AGO1: variants seen among roughly 807,000 people sequenced by gnomAD.
AGO1 encodes argonaute RISC component 1.
A neutral mutation model predicts 109.2 loss-of-function variants in AGO1; 11 were observed. The ratio of observed to expected loss-of-function variants is 0.10; its 90% CI spans 0.06 to 0.17. The LOEUF (loss-of-function observed/expected upper bound fraction) is 0.17, where lower values mean the gene tolerates loss of function less well. AGO1 is among the 10% of genes least tolerant of loss of function. AGO1 has a pLI of 1.00. For synonymous variants in AGO1, 422 were observed against 418.6 expected (o/e 1.01, Z -0.10); for missense variants, 574 against 1,140.3 (o/e 0.50, Z 7.15).
intron 12 of AGO1, 103 bp downstream of exon 12, chr1:35,907,222 A>G (rs757808873): frequency 2.0e-5 from 22 of 1,127,702 alleles, no homozygotes; most frequent in Non-Finnish European, 2.4e-5. Context: ...GGCTTTGACC[A>G]GAGCTGTTAC....
At chr1:35,874,788 C>T (rs1397972922) in intron 1 of AGO1, among the ~76,000 whole-genome samples, 1 of 152,136 alleles carries the variant, frequency 6.6e-6, no homozygotes, top group African/African-American at 2.4e-5. Context: ...GAGTGCTAAT[C>T]CAGTGAACAC....
At chr1:35,883,037 G>A (rs1645053432), upstream of AGO1, among the ~76,000 whole-genome samples, 1 of 152,212 alleles carries the variant, frequency 6.6e-6, no homozygotes. The surrounding 1 kb of genome is among the most constrained non-coding windows in gnomAD (Gnocchi z 5.4). Context: ...GCGGTTCCAA[G>A]GCACCTCTAC....
At chr1:35,910,927 G>T (rs1272177192) in intron 12 of AGO1, among the ~76,000 whole-genome samples, 1 of 152,176 alleles carries the variant, frequency 6.6e-6, no homozygotes, top group Non-Finnish European at 1.5e-5. Flanking sequence ...TTAGCCAGGT[G>T]TGGTGGCGGG....
chr1:35,884,360 G>C (rs1258374846), intron 1 of AGO1, among the ~76,000 whole-genome samples: 3 of 152,102 alleles, frequency 2.0e-5, no homozygotes, highest in Non-Finnish European at 4.4e-5. Flanking sequence ...TATTGGTTAC[G>C]GAGGAATCAA....
At position 35,906,984 on chromosome 1, in the gene AGO1, A is replaced by G; in HGVS notation, c.1447A>G (p.Ile483Val). The G allele has an allele frequency of 6.2e-7, 1 of 1,614,146 alleles. No individual in the cohort carries two copies. Among genetic ancestry groups the G allele is most frequent in the Non-Finnish European group, 8.5e-7 (1 of 1,180,006 alleles). The change falls in exon 12 of 19, where the codon ATC (isoleucine) becomes GTC (valine). Residue 483 changes from isoleucine (I) to valine (V), a missense_variant. Ile to Val is a conservative substitution (Grantham distance 29, BLOSUM62 3). Coordinates refer to ENST00000373204, the MANE Select transcript of AGO1 (RefSeq NM_012199.5). ...GATTTCCAAGGATGCGGGGATGCCTATCCAGGGTCAACCTTGTTTCTGCAA... is the reference window on the plus strand; with the variant it reads ...GATTTCCAAGGATGCGGGGATGCCTGTCCAGGGTCAACCTTGTTTCTGCAA... ...RKISKDAGMP[I>V]QGQPCFCKYA...
Position 35,883,511 on chromosome 1 carries a change from G to A in AGO1, c.25+65G>A. ...GACTGGGGGATCCCGCATGAAAAGC[G>A]TGGTTTCCAAGTGATGGAAGCGCTC... On this transcript the variant is annotated intron_variant, in intron 1 of 18. Coordinates refer to ENST00000373204, the MANE Select transcript of AGO1 (RefSeq NM_012199.5). This position sits in a 1 kb window ranked among gnomAD's most constrained non-coding sequence, Gnocchi z 5.4. The A allele has an allele frequency of 1.4e-6, 2 of 1,474,518 alleles. No individual in the cohort carries two copies. 91.3% of individuals were successfully genotyped at this position (1,474,518 alleles called of 1,614,324 possible). A position where few individuals can be genotyped will look rare whatever the true frequency, so the allele number is the denominator to read the frequency against.
At chr1:35,891,195 A>G (rs1408167302) in intron 2 of AGO1, among the ~76,000 whole-genome samples, 4 of 152,224 alleles carry the variant, frequency 2.6e-5, no homozygotes, top group Non-Finnish European at 4.4e-5. Context: ...TTGAAACCAT[A>G]TGATCACAGT....
At chr1:35,903,702 T>G (rs554710636) in intron 11 of AGO1, among the ~76,000 whole-genome samples, 1 of 151,860 alleles carries the variant, frequency 6.6e-6, no homozygotes, top group Non-Finnish European at 1.5e-5. Context: ...TGGTGGCTCC[T>G]GCCTGTAAAC....
rs376308772 is a variant in AGO1 at position 35,902,042 on chromosome 1, C to T, written c.1235C>T (p.Pro412Leu). The T allele has an allele frequency of 4.4e-6, 7 of 1,609,134 alleles. No individual in the cohort carries two copies. Among genetic ancestry groups the T allele is most frequent in the Non-Finnish European group, 4.2e-6 (5 of 1,177,820 alleles). Reference protein sequence around the residue: ...DMTEVTGRVLPAPILQYGGRN... With the variant: ...DMTEVTGRVLLAPILQYGGRN... ...ACGGAGGTGACAGGGCGAGTGCTGC[C>T]GGCGCCCATCTTGCAGTACGGCGGC... The change falls in exon 10 of 19, where the codon CCG (proline) becomes CTG (leucine). Residue 412 changes from proline to leucine, a missense_variant. This residue lies in a region of AGO1 where 106 missense variants were observed against 147.8 expected (regional missense o/e 0.72). Coordinates refer to ENST00000373204, the MANE Select transcript of AGO1 (RefSeq NM_012199.5).
Position 35,893,239 on chromosome 1 carries a change from A to G in AGO1, c.473A>G (p.Gln158Arg), listed in dbSNP as rs774413049. The G allele has an allele frequency of 3.1e-6, 5 of 1,614,078 alleles. No homozygotes were observed. The Admixed American group carries it at 8.3e-5, about 27-fold the overall frequency. Residue 158 changes from glutamine to arginine, a missense_variant, in exon 4 of 19, where the codon CAA (glutamine) becomes CGA (arginine). By Grantham distance (43) the Gln-to-Arg change is conservative. Transcript: ENST00000373204. The surrounding 1 kb of genome is among the most constrained non-coding windows in gnomAD (Gnocchi z 5.6). Reference sequence around the variant, plus strand: ...ATCCCTGTTCCCTTGGAGTCTGTGCAAGCCCTGGATGTGGCCATGAGGCAC... The same window carrying G: ...ATCCCTGTTCCCTTGGAGTCTGTGCGAGCCCTGGATGTGGCCATGAGGCAC... The part of the protein sequence containing the change: ...GQIPVPLESV[Q>R]ALDVAMRHLA...
rs1018534239 is a variant in AGO1 at position 35,900,533 on chromosome 1, G to C, written c.1021-941G>C. On this transcript the variant is annotated intron_variant, in intron 8 of 18. Coordinates refer to ENST00000373204, the MANE Select transcript of AGO1 (RefSeq NM_012199.5). ...ACCTGAGGTCAGGAGTTCAAGACCA[G>C]CCTGGCCAACATGGCAAAACCCCAT... 3.9e-5 allele frequency among the ~76,000 whole-genome samples: 6 copies of C among 152,162 alleles called. No individual in the cohort carries two copies. The East Asian group carries it at 9.7e-4, about 25-fold the overall frequency.
chr1:35,894,255 A>C, intron 6 of AGO1, 60 bp from the exon 7 acceptor site: 5 of 1,605,468 alleles, frequency 3.1e-6, no homozygotes, highest in Non-Finnish European at 4.3e-6. Flanking sequence ...CAGGGGAGAG[A>C]CCAAGCCTGG....
chr1:35,894,434 G>C (rs372478365), intron 7 of AGO1, 32 bp downstream of exon 7: 2 of 1,606,022 alleles, frequency 1.2e-6, no homozygotes, highest in African/African-American at 2.7e-5. Flanking sequence ...GTCATACTTT[G>C]TTGGTGGAGA....
Position 35,893,804 on chromosome 1 carries a change from A to G in AGO1, c.643A>G (p.Ile215Val). Reference protein sequence around the residue: ...RPAMWKMMLNIDVSATAFYKA... With the variant: ...RPAMWKMMLNVDVSATAFYKA... ...TGCCATGTGGAAGATGATGCTCAACATTGATGGTGAGTGGGGAGAGCTATG... is the reference window on the plus strand; with the variant it reads ...TGCCATGTGGAAGATGATGCTCAACGTTGATGGTGAGTGGGGAGAGCTATG... The change falls in exon 5 of 19, where the codon ATT becomes GTT. Residue 215 changes from isoleucine to valine, a missense_variant. Physicochemically the swap from Ile to Val is conservative, Grantham distance 29. Transcript: ENST00000373204. The surrounding 1 kb of genome is among the most constrained non-coding windows in gnomAD (Gnocchi z 5.6). 6.2e-7 allele frequency: 1 copy of G among 1,612,742 alleles called. No individual in the cohort carries two copies. The highest frequency in any genetic ancestry group is 8.5e-7 in the Non-Finnish European group (1 of 1,179,148).
At chr1:35,884,755 G>A (rs1429670034) in intron 1 of AGO1, among the ~76,000 whole-genome samples, 1 of 152,122 alleles carries the variant, frequency 6.6e-6, no homozygotes, top group East Asian at 1.9e-4. Context: ...ATAAACTGAG[G>A]CAGGATTGCC....
At position 35,888,561 on chromosome 1, in the gene AGO1, C is replaced by T; in HGVS notation, c.160C>T (p.His54Tyr). 6.2e-7 allele frequency: 1 copy of T among 1,614,202 alleles called. No homozygotes were observed. Among genetic ancestry groups the T allele is most frequent in the Non-Finnish European group, 8.5e-7 (1 of 1,180,042 alleles). The change falls in exon 2 of 19, where the codon CAC (histidine) becomes TAC (tyrosine). Residue 54 changes from histidine (H) to tyrosine (Y), a missense_variant. His to Tyr is a moderately conservative substitution (Grantham distance 83). This residue lies in a region of AGO1 where 89 missense variants were observed against 109.6 expected (regional missense o/e 0.81). Coordinates refer to ENST00000373204, the MANE Select transcript of AGO1 (RefSeq NM_012199.5). The surrounding 1 kb of genome is among the most constrained non-coding windows in gnomAD (Gnocchi z 4.1). ...GGACATCCCTAAGATCGACGTGTAC[C>T]ACTACGAGGTGGACATCAAGCCGGA... ...EVDIPKIDVY[H>Y]YEVDIKPDKC...
Position 35,907,049 on chromosome 1 carries a change from G to T in AGO1, c.1512G>T (p.Arg504=), listed in dbSNP as rs764770945. 2.5e-5 allele frequency: 41 copies of T among 1,614,046 alleles called. 1 individual carries two copies. The Admixed American group carries it at 6.7e-4, about 26-fold the overall frequency. ...CAGACAGCGTGGAGCCTATGTTCCG[G>T]CATCTCAAGAACACCTACTCAGGGC... is the stretch of plus-strand genomic sequence containing the variant. ...QGADSVEPMF[R]HLKNTYSGLQ... The change falls in exon 12 of 19, where the codon CGG becomes CGT. Residue 504 remains arginine (R), a synonymous_variant. Transcript: ENST00000373204.
At chr1:35,879,848 A>G (rs1480313834), upstream of AGO1, among the ~76,000 whole-genome samples, 2 of 151,798 alleles carry the variant, frequency 1.3e-5, no homozygotes, top group Non-Finnish European at 2.9e-5. Context: ...ACTGTACAGA[A>G]GGACTTTGAG....
Position 35,893,860 on chromosome 1 carries a change from C to T in AGO1, c.649+50C>T, listed in dbSNP as rs1246223698. 1.9e-6 allele frequency: 3 copies of T among 1,578,394 alleles called. No homozygotes were observed. The highest frequency in any genetic ancestry group is 1.3e-5 in the African/African-American group (1 of 74,526). On this transcript the variant is annotated intron_variant, in intron 5 of 18. Transcript: ENST00000373204. This position sits in a 1 kb window ranked among gnomAD's most constrained non-coding sequence, Gnocchi z 5.6. ...AGGGGCACCCCAAGTCCAGTGACCA[C>T]ACTCCCAGCCTCATCCCTCCCAGCT...
Sources: gnomAD v4.1 joint callset for allele counts (sites outside exome capture counted in the v4.1 genomes callset) on GRCh38, gnomAD v4.1.1 for gene constraint, gnomAD v4.1.1 regional missense constraint, Gnocchi (gnomAD v3.1) non-coding constraint, MANE v1.5 for transcripts, NCBI Gene and HGNC (gene_info 2026-07-23, HGNC 2026-07-21) for gene names.